SLC35F1: variants seen among roughly 807,000 people sequenced by gnomAD.
SLC35F1 encodes chromosome 6 open reading frame 169.
In SLC35F1, 14 loss-of-function variants were observed where a neutral mutation model predicts 48.7. The observed-to-expected ratio is 0.29, with a 90% CI of 0.19 to 0.45. The LOEUF is 0.45. SLC35F1 is among the 20% of genes least tolerant of loss of function. SLC35F1 has a pLI of 1.00. For synonymous variants in SLC35F1, 190 were observed against 202.2 expected, an observed-to-expected ratio of 0.94 and a Z score of 0.51; for missense variants, 404 against 500.0, an observed-to-expected ratio of 0.81 and a Z score of 1.83.
intron 2 of SLC35F1, among the ~76,000 whole-genome samples, chr6:118,189,383 A>G (rs374524837): frequency 2.0e-5 from 3 of 152,314 alleles, no homozygotes; most frequent in South Asian, 2.1e-4. Context: ...ACCTTTTCAT[A>G]TATACTTGGC....
intron 3 of SLC35F1, among the ~76,000 whole-genome samples, chr6:118,243,617 C>T (rs1360270421): frequency 1.3e-5 from 2 of 152,174 alleles, no homozygotes; most frequent in African/African-American, 2.4e-5. Flanking sequence ...CAGCTCCCAC[C>T]CTTAGGTTTC....
chr6:118,070,060 C>T (rs1450742001), intron 1 of SLC35F1, among the ~76,000 whole-genome samples: 4 of 137,804 alleles, frequency 2.9e-5, no homozygotes, highest in East Asian at 2.2e-4. Context: ...GGCGTGAACC[C>T]GGGAAGCGGA....
chr6:118,032,525 A>G (rs1772069151), intron 1 of SLC35F1, among the ~76,000 whole-genome samples: 1 of 152,198 alleles, frequency 6.6e-6, no homozygotes, highest in Non-Finnish European at 1.5e-5. Flanking sequence ...TCTGCCTTCC[A>G]TCTTTCTTTT....
chr6:118,211,809 C>T (rs563362084), intron 2 of SLC35F1, among the ~76,000 whole-genome samples: 12 of 152,156 alleles, frequency 7.9e-5, no homozygotes, highest in Non-Finnish European at 1.8e-4. Context: ...AGTTTAAGAA[C>T]TTAGTTGATG....
chr6:118,276,258 A>G (rs1186501499), intron 5 of SLC35F1, among the ~76,000 whole-genome samples: 1 of 152,220 alleles, frequency 6.6e-6, no homozygotes, highest in Non-Finnish European at 1.5e-5. Flanking sequence ...AGTTTCAATC[A>G]AAGCAATTTT....
chr6:117,966,583 A>T (rs947305742), intron 1 of SLC35F1, among the ~76,000 whole-genome samples: 2 of 152,002 alleles, frequency 1.3e-5, no homozygotes, highest in African/African-American at 2.4e-5. Context: ...GAACTGTAAC[A>T]CTCACCACGA....
intron 3 of SLC35F1, among the ~76,000 whole-genome samples, chr6:118,254,034 C>T (rs1470975799): frequency 1.3e-5 from 2 of 151,876 alleles, no homozygotes; most frequent in Admixed American, 6.6e-5. Context: ...GCCTCAGAGA[C>T]AGCAGATGGG....
chr6:118,079,233 C>T (rs534828336), intron 1 of SLC35F1, among the ~76,000 whole-genome samples: 3 of 152,122 alleles, frequency 2.0e-5, no homozygotes, highest in Non-Finnish European at 4.4e-5. Context: ...GTAGTCTCTA[C>T]TCTACTTCTC....
chr6:117,961,012 A>G (rs932988156), intron 1 of SLC35F1, among the ~76,000 whole-genome samples: 3 of 152,160 alleles, frequency 2.0e-5, no homozygotes, highest in Non-Finnish European at 2.9e-5. Flanking sequence ...TAGTATTACA[A>G]TATCTCCTTC....
chr6:118,031,396 A>G (rs999388628), intron 1 of SLC35F1, among the ~76,000 whole-genome samples: 29 of 152,222 alleles, frequency 1.9e-4, no homozygotes, highest in African/African-American at 6.8e-4. Flanking sequence ...TCTGAGTTGA[A>G]GGAGATTCCA....
At chr6:117,923,465 T>C (rs1204337424) in intron 1 of SLC35F1, among the ~76,000 whole-genome samples, 2 of 143,330 alleles carry the variant, frequency 1.4e-5, no homozygotes, top group Non-Finnish European at 3.0e-5. Context: ...TGGAATAGAA[T>C]GGAAATTGAC....
At chr6:118,070,767 G>C (rs894641133) in intron 1 of SLC35F1, among the ~76,000 whole-genome samples, 1 of 146,854 alleles carries the variant, frequency 6.8e-6, no homozygotes, top group Admixed American at 6.9e-5. Context: ...TTTTACACTA[G>C]CCCATCTTCC....
chr6:118,202,330 A>C (rs1430774136), intron 2 of SLC35F1, among the ~76,000 whole-genome samples: 3 of 152,010 alleles, frequency 2.0e-5, no homozygotes, highest in Non-Finnish European at 2.9e-5. Context: ...TTCCATCACT[A>C]CAAAAATTAA....
intron 1 of SLC35F1, among the ~76,000 whole-genome samples, chr6:118,079,237 A>C (rs553468954): frequency 6.6e-6 from 1 of 152,188 alleles, no homozygotes; most frequent in African/African-American, 2.4e-5. Context: ...TCTCTACTCT[A>C]CTTCTCCAGA....
At chr6:117,978,532 C>A (rs2114848303) in intron 1 of SLC35F1, among the ~76,000 whole-genome samples, 1 of 152,308 alleles carries the variant, frequency 6.6e-6, no homozygotes, top group East Asian at 1.9e-4. Context: ...TACACAGTTA[C>A]TCACTACAAA....
intron 1 of SLC35F1, among the ~76,000 whole-genome samples, chr6:118,068,537 C>CA (rs1308030767): frequency 1.3e-5 from 2 of 152,028 alleles, no homozygotes; most frequent in African/African-American, 2.4e-5. Flanking sequence ...TAAAACTTGG[C>CA]AAAAAGAGTC....
rs890402692 is a variant in SLC35F1, at chr6:118,295,910, C to T, written c.1002+10572C>T. Among the ~76,000 whole-genome samples, 4 of 152,278 alleles carry T rather than the reference C, an allele frequency of 2.6e-5. No homozygotes were observed. In the East Asian group the frequency reaches 7.7e-4, roughly 29 times the overall value. ...AATACCAAGGTGGAAGAGCAATGAG[C>T]GTTTGACTTTGGCTTTCCCCTGCAC... On this transcript the variant is annotated intron_variant, in intron 7 of 7. Transcript: ENST00000360388.
At chr6:117,938,962 T>G (rs1323875309) in intron 1 of SLC35F1, among the ~76,000 whole-genome samples, 2 of 151,658 alleles carry the variant, frequency 1.3e-5, no homozygotes, top group Admixed American at 6.6e-5. Context: ...TTCCTTTTAC[T>G]TCCGAAGTTC....
At chr6:118,106,532 A>G (rs1416217093) in intron 1 of SLC35F1, among the ~76,000 whole-genome samples, 2 of 152,134 alleles carry the variant, frequency 1.3e-5, no homozygotes, top group African/African-American at 4.8e-5. Flanking sequence ...TCACCATTTC[A>G]CTGTTACAGC....
Sources: gnomAD v4.1 joint callset for allele counts (sites outside exome capture counted in the v4.1 genomes callset) on GRCh38, gnomAD v4.1.1 for gene constraint, MANE v1.5 for transcripts, NCBI Gene and HGNC (gene_info 2026-07-23, HGNC 2026-07-21) for gene names.